The following KIF2A variants were observed in gnomAD, a reference collection of about 807,000 sequenced individuals.
The protein encoded by KIF2A is kinesin family member 2A.
In KIF2A, 22 loss-of-function variants were observed where a neutral mutation model predicts 100.2. The ratio of observed to expected loss-of-function variants is 0.22; its 90% CI spans 0.16 to 0.31. The LOEUF is 0.31. KIF2A is among the 10% of genes least tolerant of loss of function. The pLI is 1.00. For missense variants in KIF2A, 495 were observed against 898.7 expected, an observed-to-expected ratio of 0.55 and a Z score of 5.74; for synonymous variants, 268 against 285.9, an observed-to-expected ratio of 0.94 and a Z score of 0.63.
chr5:62,362,550 G>A lies in KIF2A; in HGVS notation c.1119+9G>A. ...AAATTTATAGTGGAAAGGTAAGTGG[G>A]AACTTTTTTAATTTTAATTTTTTAA... On this transcript the variant is annotated intron_variant, in intron 12 of 20. Transcript: ENST00000407818. The A allele has an allele frequency of 7.7e-7, 1 of 1,299,726 alleles. No individual in the cohort carries two copies. Among genetic ancestry groups the A allele is most frequent in the Non-Finnish European group, 1.0e-6 (1 of 986,828 alleles). 80.5% of individuals were successfully genotyped at this position (1,299,726 alleles called of 1,614,324 possible). A position where few individuals can be genotyped will look rare whatever the true frequency, so the allele number is the denominator to read the frequency against.
chr5:62,317,340 GCCCAGC>G (rs1745868186), intron 1 of KIF2A, among the ~76,000 whole-genome samples: 1 of 152,194 alleles, frequency 6.6e-6, no homozygotes, highest in Non-Finnish European at 1.5e-5. Flanking sequence ...GAGCCACAGT[GCCCAGC>G]CACCTATAAG....
chr5:62,362,022 A>T (rs571205831), intron 11 of KIF2A, among the ~76,000 whole-genome samples: 10 of 148,952 alleles, frequency 6.7e-5, no homozygotes, highest in African/African-American at 2.5e-4. Context: ...ACAGACCAAG[A>T]CCCCATCTCA....
At chr5:62,350,002 CAG>C in intron 3 of KIF2A, 62 bp from the exon 4 acceptor site, 1 of 1,042,192 alleles carries the variant, frequency 9.6e-7, no homozygotes, top group East Asian at 2.7e-5. Context: ...GAAAGAAGCT[CAG>C]ATCATGATAC....
At chr5:62,338,840 A>G (rs1747119136) in intron 1 of KIF2A, among the ~76,000 whole-genome samples, 1 of 152,184 alleles carries the variant, frequency 6.6e-6, no homozygotes. Context: ...TAGAATTCCT[A>G]TAGAGAAATA....
chr5:62,379,530 C>T (rs1085103), intron 19 of KIF2A, among the ~76,000 whole-genome samples: 38,038 of 151,686 alleles, frequency 0.25, 4,872 homozygotes, highest in Middle Eastern at 0.3. Context: ...GGCATGGTGG[C>T]GCATGCCTGT....
At chr5:62,349,936 T>C in intron 3 of KIF2A, 130 bp from the exon 4 acceptor site, 1 of 602,940 alleles carries the variant, frequency 1.7e-6, no homozygotes, top group Non-Finnish European at 2.9e-6. Context: ...ATTAAGATTA[T>C]AGTTTTTCTT....
intron 10 of KIF2A, 24 bp from the exon 11 acceptor site, chr5:62,361,442 C>T (rs1561273375): frequency 6.7e-7 from 1 of 1,502,052 alleles, no homozygotes; most frequent in African/African-American, 1.4e-5. Flanking sequence ...AATGTCTGTT[C>T]TTTATTTTCT....
chr5:62,370,339 G>A (rs1377521099), intron 16 of KIF2A, among the ~76,000 whole-genome samples: 1 of 152,004 alleles, frequency 6.6e-6, no homozygotes, highest in East Asian at 1.9e-4. Context: ...TGTCACCCAG[G>A]CTGGAGTGCA....
chr5:62,375,981 T>C (rs374479908), intron 18 of KIF2A, among the ~76,000 whole-genome samples: 6 of 152,328 alleles, frequency 3.9e-5, no homozygotes, highest in African/African-American at 1.4e-4. Flanking sequence ...ATCACTTATG[T>C]CCAGAATTTT....
intron 1 of KIF2A, among the ~76,000 whole-genome samples, chr5:62,322,777 AAC>A (rs1485454617): frequency 6.6e-6 from 1 of 151,918 alleles, no homozygotes; most frequent in Non-Finnish European, 1.5e-5. Context: ...GACCATAGTA[AAC>A]ACAGCACAAA....
chr5:62,361,332 TG>T lies in KIF2A; in HGVS notation c.963+1del. On this transcript the variant is annotated splice_donor_variant, in intron 10 of 20. Coordinates refer to ENST00000407818, the MANE Select transcript of KIF2A (RefSeq NM_001098511.3). LOFTEE classifies it high-confidence loss of function. ...GGCAGACTGGAAGTGGAAAAACTCATGTAAGTAATTTATTAAAGTTACATTC... is the reference window on the plus strand; with the variant it reads ...GGCAGACTGGAAGTGGAAAAACTCATTAAGTAATTTATTAAAGTTACATTC... 1 of 1,593,532 alleles carries T rather than the reference TG, an allele frequency of 6.3e-7. No homozygotes were observed.
At chr5:62,352,151 T>C (rs1244255066) in intron 4 of KIF2A, among the ~76,000 whole-genome samples, 2 of 73,048 alleles carry the variant, frequency 2.7e-5, no homozygotes, top group Non-Finnish European at 5.0e-5. Context: ...AGACTTCATC[T>C]CAAAAAAAAA....
intron 18 of KIF2A, among the ~76,000 whole-genome samples, chr5:62,377,097 T>C (rs888165533): frequency 6.6e-6 from 1 of 152,224 alleles, no homozygotes; most frequent in African/African-American, 2.4e-5. Context: ...GTTGATGAAG[T>C]AAAATTGTGA....
At chr5:62,308,570 A>C in intron 1 of KIF2A, 1 of 702,256 alleles carries the variant, frequency 1.4e-6, no homozygotes, top group Non-Finnish European at 2.6e-6. Flanking sequence ...GTGTATAGAC[A>C]ATGTACAATG....
At chr5:62,385,003 C>T (rs944971318) in intron 20 of KIF2A, among the ~76,000 whole-genome samples, 4 of 151,852 alleles carry the variant, frequency 2.6e-5, no homozygotes, top group African/African-American at 7.3e-5. Context: ...ATTAGCTGAG[C>T]GGGTGGTGCA....
At chr5:62,348,276 T>G (rs1169318758) in intron 3 of KIF2A, 109 bp downstream of exon 3, 5 of 1,161,604 alleles carry the variant, frequency 4.3e-6, no homozygotes, top group Non-Finnish European at 3.6e-6. Flanking sequence ...AAGAATTGAT[T>G]AATTTGCTTT....
rs939354108 is a variant in KIF2A, at chr5:62,309,032, G to A, written c.64+2496G>A. 2.0e-5 allele frequency among the ~76,000 whole-genome samples: 3 copies of A among 152,102 alleles called. No homozygotes were observed. The East Asian group carries it at 5.8e-4, about 29-fold the overall frequency. On this transcript the variant is annotated intron_variant, in intron 1 of 20. Transcript: ENST00000407818. ...GAAATTTATTTTTTAAAAAATTAGGGTGCAATAAAATGTGTAAATTCTTTA... is the reference window on the plus strand; with the variant it reads ...GAAATTTATTTTTTAAAAAATTAGGATGCAATAAAATGTGTAAATTCTTTA...
intron 6 of KIF2A, 90 bp from the exon 7 acceptor site, chr5:62,355,069 C>A: frequency 1.6e-6 from 1 of 643,668 alleles, no homozygotes. Context: ...TGACAAATGG[C>A]ACAATTTAAT....
chr5:62,342,783 C>T (rs1339542725), intron 1 of KIF2A, among the ~76,000 whole-genome samples: 3 of 146,728 alleles, frequency 2.0e-5, no homozygotes, highest in Non-Finnish European at 3.0e-5. Flanking sequence ...GAAGTGGAGT[C>T]TCGCTCTTGC....
Sources: allele counts gnomAD v4.1 joint callset (sites outside exome capture counted in the v4.1 genomes callset), GRCh38; gene constraint gnomAD v4.1.1; transcripts MANE v1.5; gene names NCBI Gene and HGNC (gene_info 2026-07-23, HGNC 2026-07-21).